The following MEGF8 variants were observed in gnomAD, a reference collection of about 807,000 sequenced individuals.
The protein encoded by MEGF8 is multiple epidermal growth factor-like domains protein 8.
In MEGF8, 156 loss-of-function variants were observed where a neutral mutation model predicts 302.9. That is an observed-to-expected ratio of 0.52 (90% CI 0.45 to 0.59). The LOEUF is 0.59. Ranked by LOEUF, MEGF8 falls within the 20% of genes least tolerant of loss-of-function variation. The pLI is 0.00. For missense variants in MEGF8, 3,345 were observed against 3,964.5 expected (o/e 0.84, Z 4.20); for synonymous variants, 1,621 against 1,660.5 (o/e 0.98, Z 0.58).
At position 42,376,548 on chromosome 19, in the gene MEGF8, G is replaced by A. The variant is rs1193688581; in HGVS notation, c.8311G>A (p.Glu2771Lys). The change falls in exon 42 of 42, where the codon GAG becomes AAG. Residue 2771 changes from glutamate (E) to lysine (K), a missense_variant. Glu to Lys is a moderately conservative substitution (Grantham distance 56). Coordinates refer to ENST00000251268, the MANE Select transcript of MEGF8 (RefSeq NM_001271938.2). This position sits in a 1 kb window ranked among gnomAD's most constrained non-coding sequence, Gnocchi z 8.2. The stretch of plus-strand genomic sequence containing the variant: ...GCTGCGAGCTGGGCCCATCACTCTC[G>A]AGCCCACAGAAGATGGCATGGCTGG... ...AGLRAGPITL[E>K]PTEDGMAGVA... The A allele has an allele frequency of 3.2e-6, 5 of 1,559,540 alleles. No homozygotes were observed. The highest frequency in any genetic ancestry group is 1.4e-5 in the African/African-American group (1 of 73,440).
chr19:42,375,758 C>T lies in MEGF8; in HGVS notation c.7521C>T (p.Ser2507=). The change falls in exon 42 of 42, where the codon TCC becomes TCT. Residue 2507 remains serine, a synonymous_variant. Transcript: ENST00000251268. The surrounding 1 kb of genome is among the most constrained non-coding windows in gnomAD (Gnocchi z 7.1). ...FGAVDLYVST[S]YDTFVVRVAP... is the part of the protein sequence containing the mutation. ...CCGTGGACCTCTATGTCTCCACCTC[C>T]TATGACACCTTCGTGGTCCGTGTGG... 6.2e-7 allele frequency: 1 copy of T among 1,613,050 alleles called. No homozygotes were observed. The highest frequency in any genetic ancestry group is 1.1e-5 in the South Asian group (1 of 91,020).
At chr19:42,361,322 T>C (rs986320499) in intron 32 of MEGF8, among the ~76,000 whole-genome samples, 2 of 152,190 alleles carry the variant, frequency 1.3e-5, no homozygotes, top group Non-Finnish European at 2.9e-5. Flanking sequence ...GGGCTTCCCA[T>C]GCCTGGCAGA....
At position 42,376,358 on chromosome 19, in the gene MEGF8, C is replaced by T; in HGVS notation, c.8121C>T (p.Asp2707=). ...AGGTCACCGTCTGCTTCCCACCTGA[C>T]CCTACTGCCCCGGCCTCCGCCTGGA... ...FAKVTVCFPP[D]PTAPASAWKP... Residue 2707 remains aspartate, a synonymous_variant, in exon 42 of 42, where the codon GAC becomes GAT. Coordinates refer to ENST00000251268, the MANE Select transcript of MEGF8 (RefSeq NM_001271938.2). This position sits in a 1 kb window ranked among gnomAD's most constrained non-coding sequence, Gnocchi z 8.2. 2.5e-6 allele frequency: 4 copies of T among 1,613,520 alleles called. No individual in the cohort carries two copies. The highest frequency in any genetic ancestry group is 1.6e-4 in the Middle Eastern group (1 of 6,062).
rs1428533498 is a variant in MEGF8 at position 42,353,633 on chromosome 19, C to T, written c.3719C>T (p.Ala1240Val). 1 of 1,580,972 alleles carries T rather than the reference C, an allele frequency of 6.3e-7. No individual in the cohort carries two copies. Among genetic ancestry groups the T allele is most frequent in the Non-Finnish European group, 8.6e-7 (1 of 1,161,446 alleles). ...LCFCQDHTEG[A>V]HCQLCSPGYY... The stretch of plus-strand genomic sequence containing the variant: ...TTCTGCCAGGACCACACCGAGGGTG[C>T]CCACTGCCAGCTCTGCTCCCCAGGC... Residue 1240 changes from alanine to valine, a missense_variant, in exon 21 of 42, where the codon GCC becomes GTC. Coordinates refer to ENST00000251268, the MANE Select transcript of MEGF8 (RefSeq NM_001271938.2). The surrounding 1 kb of genome is among the most constrained non-coding windows in gnomAD (Gnocchi z 6.1).
At chr19:42,337,736 G>A (rs1276669119) in intron 8 of MEGF8, among the ~76,000 whole-genome samples, 1 of 151,776 alleles carries the variant, frequency 6.6e-6, no homozygotes, top group East Asian at 1.9e-4. Flanking sequence ...TCGATTTCCT[G>A]ACCTCATGAT....
rs534256416 is a variant in MEGF8 at position 42,354,119 on chromosome 19, T to G, written c.4011+95T>G. On this transcript the variant is annotated intron_variant, in intron 22 of 41. Transcript: ENST00000251268. The surrounding 1 kb of genome is among the most constrained non-coding windows in gnomAD (Gnocchi z 4.3). ...TCAGACCCTGACCCTAGTATTGCTG[T>G]TTTTTTTTTTTTGTTTTTTTAATCC... is the stretch of plus-strand genomic sequence containing the variant. 41 of 551,502 alleles carry G rather than the reference T, an allele frequency of 7.4e-5. No individual in the cohort carries two copies. The highest frequency in any genetic ancestry group is 8.7e-5 in the Non-Finnish European group (36 of 412,914). The allele number at this position is 551,502 out of a possible 1,614,324, so 34.2% of individuals were successfully genotyped here.
chr19:42,334,310 C>A, intron 3 of MEGF8, 97 bp downstream of exon 3: 1 of 1,153,742 alleles, frequency 8.7e-7, no homozygotes, highest in Non-Finnish European at 1.2e-6. Context: ...CTGCATGAAA[C>A]TCCCCCCACC....
chr19:42,343,926 C>T (rs1462386591), intron 9 of MEGF8, 28 bp from the exon 10 acceptor site: 5 of 1,606,198 alleles, frequency 3.1e-6, no homozygotes, highest in East Asian at 2.2e-5. Context: ...CCCCTTGCCT[C>T]CCCCTCTGTC....
At position 42,356,856 on chromosome 19, in the gene MEGF8, C is replaced by A; in HGVS notation, c.4705C>A (p.His1569Asn). ...CCCAGGCCCATCGCCCCGCTCCTTC[C>A]ATGCAGCCGCATATGTGCCCGCTGG... ...GGPGPSPRSF[H>N]AAAYVPAGRG... is the part of the protein sequence containing the mutation. The change falls in exon 27 of 42, where the codon CAT (histidine) becomes AAT (asparagine). Residue 1569 changes from histidine (H) to asparagine (N), a missense_variant. By Grantham distance (68) the His-to-Asn change is moderately conservative. Transcript: ENST00000251268. This position sits in a 1 kb window ranked among gnomAD's most constrained non-coding sequence, Gnocchi z 5.2. 6.3e-7 allele frequency: 1 copy of A among 1,583,268 alleles called. No individual in the cohort carries two copies.
Position 42,344,928 on chromosome 19 carries a change from T to C in MEGF8, c.2097+95T>C. 3 of 1,277,648 alleles carry C rather than the reference T, an allele frequency of 2.3e-6. No homozygotes were observed. The highest frequency in any genetic ancestry group is 4.0e-5 in the South Asian group (2 of 50,094). The allele number at this position is 1,277,648 out of a possible 1,614,324, so 79.1% of individuals were successfully genotyped here. A position where few individuals can be genotyped will look rare whatever the true frequency, so the allele number is the denominator to read the frequency against. On this transcript the variant is annotated intron_variant, in intron 12 of 41. Coordinates refer to ENST00000251268, the MANE Select transcript of MEGF8 (RefSeq NM_001271938.2). The surrounding 1 kb of genome is among the most constrained non-coding windows in gnomAD (Gnocchi z 4.5). The stretch of plus-strand genomic sequence containing the variant: ...GCATCTTTATCACTCTTATGTTTAC[T>C]CCAAAACTCTTTACATTCAAGGGTC...
rs2039667718 is a variant in MEGF8, at chr19:42,370,294, A to C, written c.6940A>C (p.Ile2314Leu). Residue 2314 changes from isoleucine to leucine, a missense_variant, in exon 39 of 42, where the codon ATC becomes CTC. By Grantham distance (5) the Ile-to-Leu change is conservative. Transcript: ENST00000251268. The part of the protein sequence containing the change: ...AFCRGNSHIC[I>L]SRKELQMSKG... ...TTGTCGTGGAAATAGCCACATCTGC[A>C]TCTCCAGGAAGGAGTTACAAATGTC... 6.2e-7 allele frequency: 1 copy of C among 1,613,206 alleles called. No homozygotes were observed.
In MEGF8 at chr19:42,336,254, A is replaced by C. The variant is rs775394935; in HGVS notation, c.1152A>C (p.Gly384=). ...GYWEQVIPAG[G]RPPAATGHSM... is the part of the protein sequence containing the mutation. ...GGGAGCAGGTGATTCCGGCAGGCGG[A>C]CGGCCCCCTGCTGCCACTGGCCACT... The change falls in exon 6 of 42, where the codon GGA becomes GGC. Residue 384 remains glycine (G), a synonymous_variant. Transcript: ENST00000251268. This position sits in a 1 kb window ranked among gnomAD's most constrained non-coding sequence, Gnocchi z 4.8. 1.9e-5 allele frequency: 31 copies of C among 1,605,962 alleles called. No individual in the cohort carries two copies. The highest frequency in any genetic ancestry group is 2.4e-5 in the Non-Finnish European group (28 of 1,179,636).
Position 42,370,839 on chromosome 19 carries a change from GA to G in MEGF8, c.7136+10del. 8.0e-6 allele frequency: 2 copies of G among 249,618 alleles called. No homozygotes were observed. Among genetic ancestry groups the G allele is most frequent in the South Asian group, 2.9e-5 (1 of 34,300 alleles). The allele number at this position is 249,618 out of a possible 1,614,324, so 15.5% of individuals were successfully genotyped here. Reference sequence around the variant, plus strand: ...GGACGGGAAGTGCACCAAGTAAGAGGAACCGGGGGGGGGGGGGGGGGGGGGG... The same window carrying G: ...GGACGGGAAGTGCACCAAGTAAGAGGACCGGGGGGGGGGGGGGGGGGGGGG... On this transcript the variant is annotated intron_variant, in intron 40 of 41. Coordinates refer to ENST00000251268, the MANE Select transcript of MEGF8 (RefSeq NM_001271938.2).
At position 42,368,152 on chromosome 19, in the gene MEGF8, A is replaced by G. The variant is rs776871169; in HGVS notation, c.6274-303A>G. 5.9e-5 allele frequency among the ~76,000 whole-genome samples: 9 copies of G among 152,166 alleles called. No homozygotes were observed. Among genetic ancestry groups the G allele is most frequent in the Non-Finnish European group, 1.2e-4 (8 of 68,024 alleles). ...AGGCTGGTCTGGAACTCTTGGGCTCAAGTGATCCTCCCACTGTAGCCTCCC... is the reference window on the plus strand; with the variant it reads ...AGGCTGGTCTGGAACTCTTGGGCTCGAGTGATCCTCCCACTGTAGCCTCCC... On this transcript the variant is annotated intron_variant, in intron 35 of 41. Coordinates refer to ENST00000251268, the MANE Select transcript of MEGF8 (RefSeq NM_001271938.2). This position sits in a 1 kb window ranked among gnomAD's most constrained non-coding sequence, Gnocchi z 4.9.
chr19:42,360,806 G>A lies in MEGF8; in HGVS notation c.5520G>A (p.Glu1840=). The change falls in exon 32 of 42, where the codon GAG becomes GAA. Residue 1840 remains glutamate (E), a synonymous_variant. Coordinates refer to ENST00000251268, the MANE Select transcript of MEGF8 (RefSeq NM_001271938.2). ...CCTCTGTGGGGCCCCCAATGGAGGAGTCTGTGGCCCATGCTGTGGCAGCAG... is the reference window on the plus strand; with the variant it reads ...CCTCTGTGGGGCCCCCAATGGAGGAATCTGTGGCCCATGCTGTGGCAGCAG... The part of the protein sequence containing the change: ...RSASVGPPME[E]SVAHAVAAVG... 1.9e-6 allele frequency: 3 copies of A among 1,602,204 alleles called. No individual in the cohort carries two copies. The highest frequency in any genetic ancestry group is 1.1e-5 in the South Asian group (1 of 89,488).
intron 1 of MEGF8, among the ~76,000 whole-genome samples, chr19:42,327,403 A>G (rs2038998810): frequency 6.6e-6 from 1 of 152,156 alleles, no homozygotes. Context: ...GGCCTGGGAG[A>G]GCCCAGAGAA....
rs748249866 is a variant in MEGF8 at position 42,356,329 on chromosome 19, C to T, written c.4504-6C>T. 8 of 1,610,262 alleles carry T rather than the reference C, an allele frequency of 5.0e-6. No individual in the cohort carries two copies. In the East Asian group the frequency reaches 1.3e-4, roughly 27 times the overall value. ...CCTGATCCCCAATGTCCGCACCCAC[C>T]CCTAGGACACTGCCAGCCGCTTCCT... On this transcript the variant is annotated splice_region_variant and splice_polypyrimidine_tract_variant and intron_variant, in intron 25 of 41. Coordinates refer to ENST00000251268, the MANE Select transcript of MEGF8 (RefSeq NM_001271938.2). This position sits in a 1 kb window ranked among gnomAD's most constrained non-coding sequence, Gnocchi z 5.2.
chr19:42,363,081 C>A lies in MEGF8; in HGVS notation c.6092C>A (p.Thr2031Asn), dbSNP rs377486370. Residue 2031 changes from threonine (T) to asparagine (N), a missense_variant, in exon 35 of 42, where the codon ACC (threonine) becomes AAC (asparagine). Transcript: ENST00000251268. ...ETRRILSVQPTYDWTCFSHSL... is the reference protein window; with the variant it reads ...ETRRILSVQPNYDWTCFSHSL... Reference sequence around the variant, plus strand: ...CGCCGCATCCTCTCCGTGCAGCCCACCTATGACTGGACGTGCTTCAGCCAC... The same window carrying A: ...CGCCGCATCCTCTCCGTGCAGCCCAACTATGACTGGACGTGCTTCAGCCAC... 8.1e-6 allele frequency: 13 copies of A among 1,613,308 alleles called. No homozygotes were observed. In the African/African-American group the frequency reaches 1.3e-4, roughly 17 times the overall value.
At chr19:42,360,754 G>A in intron 31 of MEGF8, 21 bp from the exon 32 acceptor site, 2 of 1,557,520 alleles carry the variant, frequency 1.3e-6, no homozygotes, top group Non-Finnish European at 1.7e-6. Flanking sequence ...CTATCTGTCT[G>A]AATACACCAT....
Sources: gnomAD v4.1 joint callset for allele counts (sites outside exome capture counted in the v4.1 genomes callset) on GRCh38, gnomAD v4.1.1 for gene constraint, Gnocchi (gnomAD v3.1) non-coding constraint, MANE v1.5 for transcripts, NCBI Gene and HGNC (gene_info 2026-07-23, HGNC 2026-07-21) for gene names.